Variants in TBC1D23 observed in about 807,000 individuals in gnomAD.
The protein encoded by TBC1D23 is HCV non-structural protein 4A-transactivated protein 1.
TBC1D23 carries 55 observed loss-of-function variants against 91.4 expected under a neutral mutation model. That is an observed-to-expected ratio of 0.60 (90% confidence interval 0.48 to 0.75). The LOEUF is 0.75. TBC1D23 is among the 30% of genes least tolerant of loss of function. TBC1D23 has a pLI of 0.00. For missense variants in TBC1D23, 725 were observed against 836.1 expected, an observed-to-expected ratio of 0.87 and a Z score of 1.64; for synonymous variants, 289 against 281.0, an observed-to-expected ratio of 1.03 and a Z score of -0.28.
At chr3:100,298,991 T>G (rs1255742702) in intron 9 of TBC1D23, among the ~76,000 whole-genome samples, 5 of 152,178 alleles carry the variant, frequency 3.3e-5, no homozygotes, top group Non-Finnish European at 7.3e-5. Context: ...ACACTCTCCT[T>G]CTATGTATTT....
At chr3:100,319,655 G>C (rs769186962) in intron 17 of TBC1D23, among the ~76,000 whole-genome samples, 1 of 151,806 alleles carries the variant, frequency 6.6e-6, no homozygotes, top group Non-Finnish European at 1.5e-5. Flanking sequence ...CTCGAACTCC[G>C]GACCTCAGGT....
chr3:100,266,227 C>T (rs2067556382), intron 1 of TBC1D23, among the ~76,000 whole-genome samples: 2 of 151,662 alleles, frequency 1.3e-5, no homozygotes, highest in Non-Finnish European at 2.9e-5. Context: ...ATACTGTTTA[C>T]ATTAAAGTCT....
In TBC1D23 at chr3:100,306,433, T is replaced by A. The variant is rs755502384; in HGVS notation, c.1307-4T>A. The A allele has an allele frequency of 1.9e-6, 3 of 1,569,364 alleles. No individual in the cohort carries two copies. The highest frequency in any genetic ancestry group is 2.6e-6 in the Non-Finnish European group (3 of 1,145,358). On this transcript the variant is annotated splice_polypyrimidine_tract_variant and splice_region_variant and intron_variant, in intron 12 of 18. Transcript: ENST00000394144. ...TTTTTCTTTTTTTTTTAATTTATCT[T>A]AAGCACTGCAGCAGCACCTGGCAGA...
chr3:100,280,891 G>A (rs966566012), intron 2 of TBC1D23, among the ~76,000 whole-genome samples: 37 of 152,200 alleles, frequency 2.4e-4, no homozygotes, highest in Non-Finnish European at 1.5e-5. Flanking sequence ...TGGGTACAGT[G>A]GCTCACACCT....
chr3:100,268,129 C>A (rs1200319076), intron 1 of TBC1D23, among the ~76,000 whole-genome samples: 5 of 152,000 alleles, frequency 3.3e-5, no homozygotes, highest in African/African-American at 1.2e-4. Flanking sequence ...CTGTGCACAC[C>A]AAGCCTGGTG....
At chr3:100,262,629 G>A (rs911523781) in intron 1 of TBC1D23, among the ~76,000 whole-genome samples, 2 of 133,396 alleles carry the variant, frequency 1.5e-5, no homozygotes, top group African/African-American at 5.3e-5. Context: ...GGAGGCTGAG[G>A]CAGGAGAATC....
chr3:100,301,374 C>T (rs1705426859), intron 10 of TBC1D23, among the ~76,000 whole-genome samples: 1 of 151,950 alleles, frequency 6.6e-6, no homozygotes, highest in Non-Finnish European at 1.5e-5. Context: ...TCTTATCTTA[C>T]CAGAGTGATG....
chr3:100,261,701 C>T (rs1283965909), intron 1 of TBC1D23, among the ~76,000 whole-genome samples: 4 of 152,168 alleles, frequency 2.6e-5, no homozygotes, highest in African/African-American at 7.2e-5. Context: ...GCTCTTACTG[C>T]ACCCAAGCTG....
intron 1 of TBC1D23, chr3:100,267,070 C>A: frequency 4.6e-6 from 1 of 216,602 alleles, no homozygotes; most frequent in Non-Finnish European, 9.6e-6. Context: ...TCCTGGGATA[C>A]TTTGATTTTT....
chr3:100,267,923 C>T (rs1041568752), intron 1 of TBC1D23, among the ~76,000 whole-genome samples: 1 of 152,180 alleles, frequency 6.6e-6, no homozygotes, highest in African/African-American at 2.4e-5. Flanking sequence ...ATAATCCCAT[C>T]ACTTGGGGAG....
intron 18 of TBC1D23, 38 bp downstream of exon 18, chr3:100,321,009 A>G: frequency 6.9e-7 from 1 of 1,444,578 alleles, no homozygotes; most frequent in East Asian, 2.3e-5. Context: ...CTGAATTCAG[A>G]TATTATCTGA....
At chr3:100,263,727 A>ACGGTGAATTGTGTCATAAACTGG (rs2067533935) in intron 1 of TBC1D23, among the ~76,000 whole-genome samples, 1 of 152,186 alleles carries the variant, frequency 6.6e-6, no homozygotes, top group Admixed American at 6.5e-5. Context: ...CTGTTTTGGA[A>ACGGTGAATTGTGTCATAAACTGG]CGGTGAATTG....
At chr3:100,280,902 G>A (rs2067688469) in intron 2 of TBC1D23, among the ~76,000 whole-genome samples, 1 of 152,160 alleles carries the variant, frequency 6.6e-6, no homozygotes. Context: ...GCTCACACCT[G>A]TAATCCCAGC....
rs1297298003 is a variant in TBC1D23, at chr3:100,283,581, CTTTATT to C, written c.272-21_272-16del. On this transcript the variant is annotated intron_variant, in intron 3 of 18. Coordinates refer to ENST00000394144, the MANE Select transcript of TBC1D23 (RefSeq NM_001199198.3). ...ACAGCCCCTGACAGGCCCTCAGTAA[CTTTATT>C]TTTAACATTTATTTTCTAGACCAGC... The C allele has an allele frequency of 2.5e-6, 4 of 1,584,346 alleles. No individual in the cohort carries two copies. Among genetic ancestry groups the C allele is most frequent in the African/African-American group, 2.7e-5 (2 of 74,230 alleles).
At chr3:100,316,015 G>A in intron 15 of TBC1D23, 84 bp from the exon 16 acceptor site, 2 of 1,100,658 alleles carry the variant, frequency 1.8e-6, no homozygotes, top group South Asian at 2.5e-5. Flanking sequence ...ATTACATTTT[G>A]TGTGAATATT....
Position 100,319,246 on chromosome 3 carries a change from G to T in TBC1D23, c.1823+42G>T. On this transcript the variant is annotated intron_variant, in intron 17 of 18. Transcript: ENST00000394144. ...CTTCATAAGAAGTAAAATTGAATTTGGGGAAGTTAATAATACAAAACTGAA... is the reference window on the plus strand; with the variant it reads ...CTTCATAAGAAGTAAAATTGAATTTTGGGAAGTTAATAATACAAAACTGAA... The T allele has an allele frequency of 4.5e-6, 7 of 1,551,540 alleles. No homozygotes were observed. In the South Asian group the frequency reaches 7.1e-5, roughly 16 times the overall value.
In TBC1D23 at chr3:100,320,792, T is replaced by C. The variant is rs762985155; in HGVS notation, c.1839T>C (p.Thr613=). The C allele has an allele frequency of 6.6e-7, 1 of 1,521,782 alleles. No homozygotes were observed. The highest frequency in any genetic ancestry group is 1.4e-5 in the South Asian group (1 of 72,592). The allele number at this position is 1,521,782 out of a possible 1,614,324, so 94.3% of individuals were successfully genotyped here. The change falls in exon 18 of 19, where the codon ACT becomes ACC. Residue 613 remains threonine, a synonymous_variant. Transcript: ENST00000394144. ...TTGTCTCAAGTCATCTGTTGGTTAC[T>C]GCAACACATATGTACTGTTTAAGGG... is the stretch of plus-strand genomic sequence containing the variant. ...GHMFPSHLLV[T]ATHMYCLREI...
At chr3:100,316,962 A>G (rs1705759562) in intron 16 of TBC1D23, among the ~76,000 whole-genome samples, 1 of 151,930 alleles carries the variant, frequency 6.6e-6, no homozygotes, top group African/African-American at 2.4e-5. Flanking sequence ...GCATGCCCAT[A>G]ATCCCAGCTA....
In TBC1D23 at chr3:100,324,290, T is replaced by C. The variant is rs1705915888; in HGVS notation, c.*622T>C. 1.3e-5 allele frequency: 2 copies of C among 152,200 alleles called. No homozygotes were observed. The highest frequency in any genetic ancestry group is 4.1e-4 in the South Asian group (2 of 4,836). 9.4% of individuals were successfully genotyped at this position (152,200 alleles called of 1,614,324 possible). A position where few individuals can be genotyped will look rare whatever the true frequency, so the allele number is the denominator to read the frequency against. The stretch of plus-strand genomic sequence containing the variant: ...ACCTTTGCTCCATTAGCTAATTTTT[T>C]GGACACTAAATGCTTCAAAGATAAG... On this transcript the variant is annotated 3_prime_UTR_variant, in exon 19 of 19. Coordinates refer to ENST00000394144, the MANE Select transcript of TBC1D23 (RefSeq NM_001199198.3).
Sources: gnomAD v4.1 joint callset for allele counts (sites outside exome capture counted in the v4.1 genomes callset) on GRCh38, gnomAD v4.1.1 for gene constraint, MANE v1.5 for transcripts, NCBI Gene and HGNC (gene_info 2026-07-23, HGNC 2026-07-21) for gene names.